Variants in FDX1 observed in about 807,000 individuals in gnomAD.
The protein encoded by FDX1 is adrenodoxin, mitochondrial.
A neutral mutation model predicts 14.9 loss-of-function variants in FDX1; 9 were observed. That is an observed-to-expected ratio of 0.60 (90% CI 0.36 to 1.05). The LOEUF (loss-of-function observed/expected upper bound fraction) is 1.05, where lower values mean the gene tolerates loss of function less well. Among genes scored for constraint, FDX1 ranks in the 50% least tolerant of loss-of-function variants. The pLI is 0.01. For missense variants in FDX1, 204 were observed against 237.2 expected, an observed-to-expected ratio of 0.86 and a Z score of 0.92; for synonymous variants, 92 against 99.4, an observed-to-expected ratio of 0.93 and a Z score of 0.44.
At chr11:110,450,014 C>G (rs143512461) in intron 2 of FDX1, among the ~76,000 whole-genome samples, 35 of 152,300 alleles carry the variant, frequency 2.3e-4, no homozygotes, top group Non-Finnish European at 4.4e-4. Flanking sequence ...TCCTTACCCC[C>G]ACTCCCATCT....
In FDX1 at chr11:110,445,381, C is replaced by G. The variant is rs140070052; in HGVS notation, c.310+9423C>G. Among the ~76,000 whole-genome samples, 797 of 150,530 alleles carry G rather than the reference C, an allele frequency of 5.3e-3. 7 individuals carry two copies. Among genetic ancestry groups the G allele is most frequent in the Middle Eastern group, 0.017 (5 of 294 alleles). ...TTTAAAAGTATTTTTTTCTTCATCA[C>G]TTGTGACTATATATTACAGTACAGT... On this transcript the variant is annotated intron_variant, in intron 2 of 3. Coordinates refer to ENST00000260270, the MANE Select transcript of FDX1 (RefSeq NM_004109.5).
At chr11:110,451,991 A>C (rs1334576146) in intron 2 of FDX1, among the ~76,000 whole-genome samples, 1 of 152,356 alleles carries the variant, frequency 6.6e-6, no homozygotes, top group Admixed American at 6.5e-5. Context: ...TATTCTTTTC[A>C]ACAAATGATG....
At chr11:110,445,234 T>C (rs1946442743) in intron 2 of FDX1, among the ~76,000 whole-genome samples, 1 of 152,236 alleles carries the variant, frequency 6.6e-6, no homozygotes. Flanking sequence ...AAGTTACATA[T>C]TCTCAAAATA....
chr11:110,430,187 C>G lies in FDX1; in HGVS notation c.67C>G (p.Arg23Gly). The change falls in exon 1 of 4, where the codon CGG becomes GGG. Residue 23 changes from arginine to glycine, a missense_variant. By Grantham distance (125) the Arg-to-Gly change is moderately radical. Coordinates refer to ENST00000260270, the MANE Select transcript of FDX1 (RefSeq NM_004109.5). Reference sequence around the variant, plus strand: ...TGCTGTCCTCGGCGGCCCGGCCGGCCGGTGGCTGCACCACGCTGGGTCCCG... The same window carrying G: ...TGCTGTCCTCGGCGGCCCGGCCGGCGGGTGGCTGCACCACGCTGGGTCCCG... ...ASAVLGGPAG[R>G]WLHHAGSRAG... The G allele has an allele frequency of 8.1e-7, 1 of 1,230,370 alleles. No homozygotes were observed. The highest frequency in any genetic ancestry group is 3.7e-5 in the South Asian group (1 of 27,018). 76.2% of individuals were successfully genotyped at this position (1,230,370 alleles called of 1,614,324 possible). A position where few individuals can be genotyped will look rare whatever the true frequency, so the allele number is the denominator to read the frequency against.
At chr11:110,449,924 G>C (rs893555504) in intron 2 of FDX1, among the ~76,000 whole-genome samples, 7 of 152,114 alleles carry the variant, frequency 4.6e-5, no homozygotes, top group African/African-American at 9.7e-5. Context: ...CACTGTGCTC[G>C]GCCTGTGCTA....
chr11:110,430,522 CTT>C (rs1172359368), intron 1 of FDX1, among the ~76,000 whole-genome samples: 1 of 152,200 alleles, frequency 6.6e-6, no homozygotes, highest in African/African-American at 2.4e-5. Context: ...CGCAGAGTTC[CTT>C]TCCGCATCAC....
chr11:110,457,889 C>T (rs1037807861), intron 3 of FDX1, among the ~76,000 whole-genome samples: 3 of 151,896 alleles, frequency 2.0e-5, no homozygotes, highest in Non-Finnish European at 4.4e-5. Flanking sequence ...TCATTTTGTT[C>T]CTTTTATAGT....
chr11:110,444,707 T>TATATATATATATAC (rs1946434505), intron 2 of FDX1, among the ~76,000 whole-genome samples: 1 of 52,150 alleles, frequency 1.9e-5, no homozygotes, highest in African/African-American at 1.1e-4. Flanking sequence ...TATATATACG[T>TATATATATATATAC]ATATATATAT....
chr11:110,431,064 C>T (rs936881096), intron 1 of FDX1, among the ~76,000 whole-genome samples: 3 of 152,034 alleles, frequency 2.0e-5, no homozygotes. Context: ...TAGTCTTGTG[C>T]CTAGCACGTA....
chr11:110,463,898 GTT>G lies in FDX1; in HGVS notation c.*1447_*1448del, dbSNP rs112136244. On this transcript the variant is annotated 3_prime_UTR_variant, in exon 4 of 4. Coordinates refer to ENST00000260270, the MANE Select transcript of FDX1 (RefSeq NM_004109.5). ...TTTGATGCTTAATAACTATTGAGTA[GTT>G]TTTTTTTTTTTTTTTTGGTGGGGGG... 7.5e-4 allele frequency: 96 copies of G among 128,440 alleles called. No individual in the cohort carries two copies. The highest frequency in any genetic ancestry group is 1.2e-3 in the African/African-American group (43 of 34,626). The allele number at this position is 128,440 out of a possible 1,614,324, so 8.0% of individuals were successfully genotyped here.
chr11:110,456,498 A>G (rs1476810925), intron 2 of FDX1, among the ~76,000 whole-genome samples: 1 of 114,786 alleles, frequency 8.7e-6, no homozygotes, highest in African/African-American at 3.3e-5. Flanking sequence ...TTCACCTTTC[A>G]TTTATGTATT....
chr11:110,464,635 G>A lies in FDX1; in HGVS notation c.*2167G>A, dbSNP rs1426116098. The A allele has an allele frequency of 6.6e-6, 1 of 152,096 alleles. No homozygotes were observed. The highest frequency in any genetic ancestry group is 6.5e-5 in the Admixed American group (1 of 15,278). 9.4% of individuals were successfully genotyped at this position (152,096 alleles called of 1,614,324 possible). A position where few individuals can be genotyped will look rare whatever the true frequency, so the allele number is the denominator to read the frequency against. Reference sequence around the variant, plus strand: ...TTTTGGAGGGGACATTCAAACCATAGCAGTGCTATAATTTTAAAGTACTTC... The same window carrying A: ...TTTTGGAGGGGACATTCAAACCATAACAGTGCTATAATTTTAAAGTACTTC... On this transcript the variant is annotated 3_prime_UTR_variant, in exon 4 of 4. Transcript: ENST00000260270.
chr11:110,431,848 T>A (rs1591245115), intron 1 of FDX1, among the ~76,000 whole-genome samples: 1 of 152,240 alleles, frequency 6.6e-6, no homozygotes, highest in South Asian at 2.1e-4. Context: ...CATGGTCTTA[T>A]CATTCCTCTT....
intron 2 of FDX1, among the ~76,000 whole-genome samples, chr11:110,456,619 G>A (rs1247145253): frequency 7.2e-6 from 1 of 139,616 alleles, no homozygotes; most frequent in Non-Finnish European, 1.5e-5. Context: ...TATTTCTTCT[G>A]CCTCAGCTTC....
At chr11:110,435,168 C>G (rs1289741393) in intron 1 of FDX1, among the ~76,000 whole-genome samples, 1 of 152,132 alleles carries the variant, frequency 6.6e-6, no homozygotes, top group African/African-American at 2.4e-5. Flanking sequence ...CCTCCCGTTT[C>G]AGCCTCCCAA....
At position 110,435,928 on chromosome 11, in the gene FDX1, G is replaced by C; in HGVS notation, c.280G>C (p.Val94Leu). 1 of 1,612,330 alleles carries C rather than the reference G, an allele frequency of 6.2e-7. No individual in the cohort carries two copies. Among genetic ancestry groups the C allele is most frequent in the Non-Finnish European group, 8.5e-7 (1 of 1,179,196 alleles). The change falls in exon 2 of 4, where the codon GTT becomes CTT. Residue 94 changes from valine to leucine, a missense_variant. By Grantham distance (32) the Val-to-Leu change is conservative. Transcript: ENST00000260270. ...KVGDSLLDVV[V>L]ENNLDIDGFG... is the part of the protein sequence containing the mutation. ...TGGTGATTCTCTGCTAGATGTTGTG[G>C]TTGAAAATAATCTAGATATTGATGG...
rs1565381659 is a variant in FDX1 at position 110,444,644 on chromosome 11, GTGTGTGTATATA to G, written c.310+8688_310+8699del. ...AAAAAGAAAATATATGTGTGTGTGT[GTGTGTGTATATA>G]TATATATACGTATATATATATATAT... On this transcript the variant is annotated intron_variant, in intron 2 of 3. Transcript: ENST00000260270. Among the ~76,000 whole-genome samples, 46 of 87,752 alleles carry G rather than the reference GTGTGTGTATATA, an allele frequency of 5.2e-4. 1 individual carries two copies. The highest frequency in any genetic ancestry group is 2.5e-3 in the African/African-American group (46 of 18,390). 57.6% of individuals were successfully genotyped at this position (87,752 alleles called of 152,430 possible). A position where few individuals can be genotyped will look rare whatever the true frequency, so the allele number is the denominator to read the frequency against.
intron 3 of FDX1, among the ~76,000 whole-genome samples, chr11:110,460,632 A>G (rs1946550799): frequency 6.6e-6 from 1 of 152,206 alleles, no homozygotes; most frequent in Non-Finnish European, 1.5e-5. Context: ...ACAGTCTCAC[A>G]TGTTAACTAT....
At chr11:110,439,163 C>G (rs7104810) in intron 2 of FDX1, among the ~76,000 whole-genome samples, 42,565 of 151,742 alleles carry the variant, frequency 0.28, 6,067 homozygotes, top group East Asian at 0.37. Context: ...ACCTTGGCCT[C>G]CCAAGTACTG....
Sources: gnomAD v4.1 joint callset for allele counts (sites outside exome capture counted in the v4.1 genomes callset) on GRCh38, gnomAD v4.1.1 for gene constraint, MANE v1.5 for transcripts, NCBI Gene and HGNC (gene_info 2026-07-23, HGNC 2026-07-21) for gene names.